Variants in KIF26B observed in about 807,000 individuals in gnomAD.
KIF26B encodes the protein kinesin family member 26B.
KIF26B carries 63 observed loss-of-function variants against 151.2 expected under a neutral mutation model. The observed-to-expected ratio is 0.42, with a 90% CI of 0.34 to 0.51. The LOEUF is 0.51. Ranked by LOEUF, KIF26B falls within the 20% of genes least tolerant of loss-of-function variation. KIF26B has a pLI of 0.07. For synonymous variants in KIF26B, 1,357 were observed against 1,262.1 expected (o/e 1.08, Z -1.59); for missense variants, 2,813 against 2,913.6 (o/e 0.97, Z 0.79).
At chr1:245,198,824 T>C (rs368454412) in intron 2 of KIF26B, among the ~76,000 whole-genome samples, 43 of 150,514 alleles carry the variant, frequency 2.9e-4, no homozygotes, top group African/African-American at 1.0e-3. Context: ...ACTAGGAAGT[T>C]CTAACTGAGA....
At chr1:245,225,844 G>A (rs1410230945) in intron 2 of KIF26B, among the ~76,000 whole-genome samples, 2 of 152,132 alleles carry the variant, frequency 1.3e-5, no homozygotes, top group African/African-American at 4.8e-5. Context: ...AGCTTTTACT[G>A]ATCAAACGTC....
At chr1:245,341,172 C>T (rs977384205) in intron 2 of KIF26B, among the ~76,000 whole-genome samples, 3 of 152,028 alleles carry the variant, frequency 2.0e-5, no homozygotes. Flanking sequence ...TGCTGGTCAT[C>T]GCAGGGGAGC....
intron 3 of KIF26B, among the ~76,000 whole-genome samples, chr1:245,368,494 T>G (rs1020780885): frequency 1.3e-5 from 2 of 152,166 alleles, no homozygotes; most frequent in South Asian, 4.1e-4. Flanking sequence ...CAAATGATCC[T>G]GGAGACCTCA....
intron 4 of KIF26B, among the ~76,000 whole-genome samples, chr1:245,465,698 G>A (rs1051789211): frequency 6.6e-6 from 1 of 152,196 alleles, no homozygotes; most frequent in Non-Finnish European, 1.5e-5. Flanking sequence ...GGAAAGGACT[G>A]TTTACAAAAG....
At chr1:245,360,724 A>G (rs1572022590) in intron 2 of KIF26B, among the ~76,000 whole-genome samples, 1 of 152,334 alleles carries the variant, frequency 6.6e-6, no homozygotes, top group Non-Finnish European at 1.5e-5. Context: ...CCTGGACATA[A>G]AAACTGGCCA....
At chr1:245,407,061 G>T (rs1218660862) in intron 3 of KIF26B, among the ~76,000 whole-genome samples, 1 of 152,152 alleles carries the variant, frequency 6.6e-6, no homozygotes, top group African/African-American at 2.4e-5. Context: ...GTGCTGGGAT[G>T]ACAGGTGTAA....
At chr1:245,298,648 C>T (rs889612908) in intron 2 of KIF26B, among the ~76,000 whole-genome samples, 3 of 152,168 alleles carry the variant, frequency 2.0e-5, no homozygotes, top group Admixed American at 2.0e-4. Flanking sequence ...AAATTGATAA[C>T]TCTCATGTTA....
At chr1:245,474,594 G>T (rs1659991486) in intron 4 of KIF26B, among the ~76,000 whole-genome samples, 1 of 151,214 alleles carries the variant, frequency 6.6e-6, no homozygotes, top group Non-Finnish European at 1.5e-5. Context: ...TGCATTTTTA[G>T]TAGAGATGGG....
chr1:245,184,035 TG>T (rs1475781922), intron 2 of KIF26B, among the ~76,000 whole-genome samples: 1 of 149,088 alleles, frequency 6.7e-6, no homozygotes, highest in Non-Finnish European at 1.5e-5. Flanking sequence ...GCAACAGGTA[TG>T]GGTGGGAGTT....
intron 4 of KIF26B, among the ~76,000 whole-genome samples, chr1:245,513,106 T>A (rs1167825878): frequency 6.6e-6 from 1 of 152,024 alleles, no homozygotes; most frequent in Non-Finnish European, 1.5e-5. Context: ...CTTTCGAGTT[T>A]CTGCTCACTA....
intron 5 of KIF26B, among the ~76,000 whole-genome samples, chr1:245,548,988 C>G (rs1012394607): frequency 3.3e-5 from 5 of 152,138 alleles, no homozygotes; most frequent in Non-Finnish European, 7.3e-5. Context: ...GTGATCCACC[C>G]GCCTTGGCTT....
At chr1:245,522,708 C>T (rs1661155791) in intron 4 of KIF26B, among the ~76,000 whole-genome samples, 1 of 152,150 alleles carries the variant, frequency 6.6e-6, no homozygotes, top group Non-Finnish European at 1.5e-5. Flanking sequence ...GCCAACTGCA[C>T]AACCAAAACT....
At position 245,525,233 on chromosome 1, in the gene KIF26B, T is replaced by A. The variant is rs577715509; in HGVS notation, c.1167-15534T>A. ...TGAAGATCTAAGCCAAGACTGTCTA[T>A]CTTGAAAGTAAGTTATTTCTGTCTA... On this transcript the variant is annotated intron_variant, in intron 4 of 14. Transcript: ENST00000407071. Among the ~76,000 whole-genome samples the A allele has an allele frequency of 2.6e-5, 4 of 152,328 alleles. No homozygotes were observed. The East Asian group carries it at 7.7e-4, about 29-fold the overall frequency.
chr1:245,590,176 C>T (rs747163225), intron 5 of KIF26B, among the ~76,000 whole-genome samples: 6 of 150,456 alleles, frequency 4.0e-5, no homozygotes, highest in Non-Finnish European at 8.9e-5. Context: ...AAGGGGAGGC[C>T]GAGGCGCCGG....
chr1:245,699,894 T>TATG (rs2044745469), intron 14 of KIF26B, among the ~76,000 whole-genome samples: 1 of 152,200 alleles, frequency 6.6e-6, no homozygotes, highest in Non-Finnish European at 1.5e-5. Flanking sequence ...AGCTTAGGTT[T>TATG]ATGTTCCAAA....
At chr1:245,200,700 G>A (rs1669281757) in intron 2 of KIF26B, among the ~76,000 whole-genome samples, 2 of 152,218 alleles carry the variant, frequency 1.3e-5, no homozygotes, top group Non-Finnish European at 1.5e-5. Flanking sequence ...AATTTTTATT[G>A]TTATCTCTTC....
chr1:245,319,754 A>G (rs6676934), intron 2 of KIF26B, among the ~76,000 whole-genome samples: 152,316 of 152,322 alleles, frequency 1, 76,155 homozygotes, highest in Middle Eastern at 1. Context: ...TACTTATGAA[A>G]TCTCTGGTCT....
intron 4 of KIF26B, among the ~76,000 whole-genome samples, chr1:245,530,067 A>G (rs997508571): frequency 9.9e-5 from 15 of 152,234 alleles, no homozygotes; most frequent in African/African-American, 2.7e-4. Flanking sequence ...AGACAGGTAC[A>G]TGAAAAGGTG....
intron 4 of KIF26B, among the ~76,000 whole-genome samples, chr1:245,511,758 G>C (rs1660842227): frequency 6.6e-6 from 1 of 152,174 alleles, no homozygotes; most frequent in Admixed American, 6.5e-5. Flanking sequence ...GTCATTGCTA[G>C]TTTATACCAG....
Sources: gnomAD v4.1 joint callset for allele counts (sites outside exome capture counted in the v4.1 genomes callset) on GRCh38, gnomAD v4.1.1 for gene constraint, MANE v1.5 for transcripts, NCBI Gene and HGNC (gene_info 2026-07-23, HGNC 2026-07-21) for gene names.